The following TEX11 variants were observed in gnomAD, a reference collection of about 807,000 sequenced individuals.
The protein encoded by TEX11 is testis expressed 11, also known as testis-expressed protein 11.
Under a neutral mutation model 84.4 loss-of-function variants are expected in TEX11, and 7 were observed. The observed-to-expected ratio is 0.08, with a 90% confidence interval of 0.05 to 0.16. The LOEUF (loss-of-function observed/expected upper bound fraction) is 0.16. Ranked by LOEUF, TEX11 falls within the 10% of genes least tolerant of loss-of-function variation. The pLI is 1.00. For missense variants in TEX11, 551 were observed against 660.5 expected (o/e 0.83, Z 1.82); for synonymous variants, 264 against 222.8 (o/e 1.18, Z -1.64).
chrX:70,756,583 A>C (rs745936651), intron 9 of TEX11, among the ~76,000 whole-genome samples: 1 of 111,729 alleles, frequency 9.0e-6, no homozygotes, highest in South Asian at 3.8e-4. Context: ...ATCAACAAAA[A>C]GGACATCTAC....
At chrX:70,832,253 A>G (rs181642544) in intron 8 of TEX11, among the ~76,000 whole-genome samples, 1 of 111,981 alleles carries the variant, frequency 8.9e-6, no homozygotes. Context: ...CAAAACTGCC[A>G]AGATCATGAA....
intron 9 of TEX11, among the ~76,000 whole-genome samples, chrX:70,744,506 T>C (rs2090756078): frequency 9.2e-6 from 1 of 108,642 alleles, no homozygotes; most frequent in South Asian, 3.8e-4. Context: ...GCATTGAATA[T>C]ATATAATATA....
downstream of TEX11, among the ~76,000 whole-genome samples, chrX:70,524,715 G>A (rs1436327121): frequency 2.7e-5 from 3 of 112,114 alleles, no homozygotes; most frequent in East Asian, 2.8e-4. Flanking sequence ...ATAGGCATGC[G>A]CCACCACGTC....
intron 11 of TEX11, among the ~76,000 whole-genome samples, chrX:70,739,570 C>T (rs2090720553): frequency 9.1e-6 from 1 of 109,576 alleles, no homozygotes; most frequent in Non-Finnish European, 1.9e-5. Context: ...TGCCACCACA[C>T]CTGGCTAACT....
intron 17 of TEX11, among the ~76,000 whole-genome samples, chrX:70,647,745 A>T (rs1262850585): frequency 9.0e-6 from 1 of 111,148 alleles, no homozygotes; most frequent in Non-Finnish European, 1.9e-5. Context: ...CAATGTATAC[A>T]TATCTTTAAA....
chrX:70,765,666 C>T (rs993314149), intron 9 of TEX11, among the ~76,000 whole-genome samples: 4 of 111,199 alleles, frequency 3.6e-5, no homozygotes, highest in Admixed American at 9.5e-5. Context: ...TATAACAGAC[C>T]CACAGCTAGT....
chrX:70,805,853 G>C (rs972912613), intron 9 of TEX11, among the ~76,000 whole-genome samples: 6 of 111,949 alleles, frequency 5.4e-5, no homozygotes, highest in Non-Finnish European at 1.1e-4. Context: ...TGAAAGAAAG[G>C]GTTCTTGCAC....
At chrX:70,629,422 A>C (rs1454155064) in intron 18 of TEX11, among the ~76,000 whole-genome samples, 189 bp downstream of exon 18, 1 of 111,874 alleles carries the variant, frequency 8.9e-6, no homozygotes, top group Non-Finnish European at 1.9e-5. Context: ...TCACTGTTTC[A>C]TTTACTTTAG....
At chrX:70,560,153 T>C (rs1477012901) in intron 25 of TEX11, among the ~76,000 whole-genome samples, 1 of 110,436 alleles carries the variant, frequency 9.1e-6, no homozygotes, top group Non-Finnish European at 1.9e-5. Context: ...TTCCATTCAA[T>C]TCTTTTTTTT....
intron 25 of TEX11, among the ~76,000 whole-genome samples, chrX:70,564,533 T>G (rs1004503753): frequency 9.3e-6 from 1 of 107,590 alleles, no homozygotes; most frequent in African/African-American, 3.4e-5. Context: ...TAGGTATATC[T>G]CCTAAAGCTA....
At chrX:70,788,959 TATATATATATATATAGAGAGAG>T (rs1441462232) in intron 9 of TEX11, among the ~76,000 whole-genome samples, 8 of 44,077 alleles carry the variant, frequency 1.8e-4, no homozygotes, top group South Asian at 1.8e-3. Context: ...TATATATATA[TATATATATATATATAGAGAGAG>T]AGAGAGAGAG....
At chrX:70,729,688 G>A (rs1024087226) in intron 11 of TEX11, among the ~76,000 whole-genome samples, 1 of 112,000 alleles carries the variant, frequency 8.9e-6, no homozygotes, top group African/African-American at 3.2e-5. Context: ...TCTGATTGGT[G>A]TACCTGAAAG....
At chrX:70,702,135 C>A (rs2090330910) in intron 13 of TEX11, among the ~76,000 whole-genome samples, 1 of 111,777 alleles carries the variant, frequency 8.9e-6, no homozygotes, top group African/African-American at 3.2e-5. Flanking sequence ...AGAAGTTCTA[C>A]TGTGGGTGAA....
chrX:70,669,216 C>T (rs753614898), intron 16 of TEX11, among the ~76,000 whole-genome samples: 7 of 111,465 alleles, frequency 6.3e-5, no homozygotes, highest in African/African-American at 1.6e-4. Flanking sequence ...ATTAGATATC[C>T]TCCCTTGGCC....
chrX:70,752,450 G>A (rs75251444), intron 9 of TEX11, among the ~76,000 whole-genome samples: 7 of 103,781 alleles, frequency 6.7e-5, no homozygotes, highest in South Asian at 4.6e-4. Context: ...GCTTGAACCC[G>A]GGGGGCGGAG....
At chrX:70,551,592 T>C (rs1195786237) in intron 28 of TEX11, among the ~76,000 whole-genome samples, 1 of 111,865 alleles carries the variant, frequency 8.9e-6, no homozygotes, top group Non-Finnish European at 1.9e-5. Context: ...TAGTGATAGT[T>C]GCACAACTCT....
chrX:70,679,796 C>T (rs1417556158), intron 14 of TEX11, among the ~76,000 whole-genome samples: 4 of 102,134 alleles, frequency 3.9e-5, no homozygotes, highest in East Asian at 6.6e-4. Flanking sequence ...GTCAGCCCCC[C>T]GCCCGGCCAG....
chrX:70,727,217 C>A (rs774321779), intron 11 of TEX11, among the ~76,000 whole-genome samples: 1 of 111,357 alleles, frequency 9.0e-6, no homozygotes, highest in Non-Finnish European at 1.9e-5. Flanking sequence ...CTTTCCATTA[C>A]AATATGCTGC....
chrX:70,525,424 A>G (rs1433066937), downstream of TEX11, among the ~76,000 whole-genome samples: 2 of 110,134 alleles, frequency 1.8e-5, no homozygotes, highest in African/African-American at 6.6e-5. Flanking sequence ...CATCTCTACA[A>G]AAAAATAGAA....
Sources: allele counts gnomAD v4.1 joint callset (sites outside exome capture counted in the v4.1 genomes callset), GRCh38; gene constraint gnomAD v4.1.1; transcripts MANE v1.5; gene names NCBI Gene and HGNC (gene_info 2026-07-23, HGNC 2026-07-21).